MACROD2: variants seen among roughly 807,000 people sequenced by gnomAD.
MACROD2 encodes the protein ADP-ribose glycohydrolase MACROD2.
MACROD2 carries 36 observed loss-of-function variants against 70.4 expected under a neutral mutation model. That is an observed-to-expected ratio of 0.51 (90% CI 0.39 to 0.68). MACROD2 has a LOEUF of 0.68. Ranked by LOEUF, MACROD2 falls within the 30% of genes least tolerant of loss-of-function variation. MACROD2 has a pLI of 0.00. For missense variants in MACROD2, 496 were observed against 538.4 expected (o/e 0.92, Z 0.78); for synonymous variants, 172 against 178.8 (o/e 0.96, Z 0.30).
Position 14,916,951 on chromosome 20 carries a change from A to G in MACROD2, c.418+231992A>G, listed in dbSNP as rs184482157. 4.3e-3 allele frequency among the ~76,000 whole-genome samples: 652 copies of G among 152,056 alleles called. 7 individuals carry two copies. The highest frequency in any genetic ancestry group is 0.015 in the African/African-American group (610 of 41,478). On this transcript the variant is annotated intron_variant, in intron 5 of 17. Coordinates refer to ENST00000684519, the MANE Select transcript of MACROD2 (RefSeq NM_001351661.2). ...TTCCAAGGAAGAGAGATAATGGGGG[A>G]AAAATAGGCACCTTGATTGGTCATG...
chr20:14,319,354 T>C (rs1601469314), intron 3 of MACROD2, among the ~76,000 whole-genome samples: 1 of 152,166 alleles, frequency 6.6e-6, no homozygotes, highest in East Asian at 1.9e-4. Context: ...ATCTCAACTT[T>C]CTTTTCTCCT....
intron 3 of MACROD2, among the ~76,000 whole-genome samples, chr20:14,364,143 CT>C (rs2083251068): frequency 6.6e-6 from 1 of 151,998 alleles, no homozygotes; most frequent in Non-Finnish European, 1.5e-5. Flanking sequence ...TGATCTTTTC[CT>C]TTTTTCTCAT....
At chr20:14,481,691 C>CA (rs1262196398) in intron 3 of MACROD2, among the ~76,000 whole-genome samples, 1 of 152,002 alleles carries the variant, frequency 6.6e-6, no homozygotes, top group Non-Finnish European at 1.5e-5. Context: ...CTAAAAAGAA[C>CA]ATTTGTTTGA....
chr20:14,462,026 T>C (rs2084378794), intron 3 of MACROD2, among the ~76,000 whole-genome samples: 1 of 152,034 alleles, frequency 6.6e-6, no homozygotes, highest in African/African-American at 2.4e-5. Flanking sequence ...ATATACCCAG[T>C]AATGAGCATG....
intron 3 of MACROD2, among the ~76,000 whole-genome samples, chr20:14,187,599 T>A (rs2081355347): frequency 6.6e-6 from 1 of 152,174 alleles, no homozygotes; most frequent in Non-Finnish European, 1.5e-5. Context: ...TAAAAGTTAG[T>A]CCAGAGTTAT....
At chr20:15,758,698 C>CCCA (rs1319831049) in intron 8 of MACROD2, among the ~76,000 whole-genome samples, 18 of 152,060 alleles carry the variant, frequency 1.2e-4, no homozygotes, top group Non-Finnish European at 2.9e-5. Flanking sequence ...CTCCACCACA[C>CCCA]CCAGCTAGTT....
intron 8 of MACROD2, among the ~76,000 whole-genome samples, chr20:15,689,915 A>C (rs2050277604): frequency 6.6e-6 from 1 of 152,208 alleles, no homozygotes; most frequent in African/African-American, 2.4e-5. Context: ...CCTCTGTGAT[A>C]ATCAGTTCTA....
In MACROD2 at chr20:16,052,284, A is replaced by G. The variant is rs1043969179; in HGVS notation, c.*2408A>G. The G allele has an allele frequency of 2.0e-5, 3 of 152,244 alleles. No individual in the cohort carries two copies. The highest frequency in any genetic ancestry group is 2.4e-5 in the African/African-American group (1 of 41,472). The allele number at this position is 152,244 out of a possible 1,614,324, so 9.4% of individuals were successfully genotyped here. A position where few individuals can be genotyped will look rare whatever the true frequency, so the allele number is the denominator to read the frequency against. ...TTAACAATCTAACTATAGCCAGATCAAAGACACCTGAACACAGAAAACCTT... is the reference window on the plus strand; with the variant it reads ...TTAACAATCTAACTATAGCCAGATCGAAGACACCTGAACACAGAAAACCTT... On this transcript the variant is annotated 3_prime_UTR_variant, in exon 18 of 18. Coordinates refer to ENST00000684519, the MANE Select transcript of MACROD2 (RefSeq NM_001351661.2).
intron 8 of MACROD2, among the ~76,000 whole-genome samples, chr20:15,506,050 G>A (rs2047422414): frequency 6.6e-6 from 1 of 152,178 alleles, no homozygotes; most frequent in Non-Finnish European, 1.5e-5. Flanking sequence ...CTGAGATGCT[G>A]TATATGTGTG....
chr20:15,866,527 G>A (rs1043393905), intron 9 of MACROD2, among the ~76,000 whole-genome samples: 7 of 152,180 alleles, frequency 4.6e-5, no homozygotes, highest in African/African-American at 1.7e-4. Context: ...TTTTAGGCAT[G>A]AAAAACGAGG....
chr20:14,311,732 G>T (rs2082568942), intron 3 of MACROD2, among the ~76,000 whole-genome samples: 1 of 151,986 alleles, frequency 6.6e-6, no homozygotes, highest in Non-Finnish European at 1.5e-5. Flanking sequence ...TGGCCAGACT[G>T]GTGTTGAACT....
At chr20:14,719,638 T>A (rs935351312) in intron 5 of MACROD2, among the ~76,000 whole-genome samples, 1 of 152,124 alleles carries the variant, frequency 6.6e-6, no homozygotes, top group Admixed American at 6.6e-5. Context: ...AATTAAACCA[T>A]CCTAAAATGT....
chr20:14,261,678 C>T (rs568675271), intron 3 of MACROD2, among the ~76,000 whole-genome samples: 2 of 152,156 alleles, frequency 1.3e-5, no homozygotes. Context: ...ATGATTTATT[C>T]GTTCCTTCCC....
chr20:14,412,156 C>A (rs2083756776), intron 3 of MACROD2, among the ~76,000 whole-genome samples: 3 of 152,098 alleles, frequency 2.0e-5, no homozygotes, highest in Admixed American at 6.6e-5. Context: ...CTGTTTAGCC[C>A]AGTGAAGGAT....
chr20:15,465,960 G>A (rs1475681625), intron 7 of MACROD2, among the ~76,000 whole-genome samples: 1 of 152,160 alleles, frequency 6.6e-6, no homozygotes, highest in East Asian at 1.9e-4. Context: ...AGTAACACAT[G>A]GCTCCAGCTG....
chr20:15,774,912 G>C lies in MACROD2; in HGVS notation c.646-87833G>C, dbSNP rs547923691. Among the ~76,000 whole-genome samples the C allele has an allele frequency of 1.1e-4, 16 of 152,148 alleles. No homozygotes were observed. The South Asian group carries it at 3.1e-3, about 30-fold the overall frequency. On this transcript the variant is annotated intron_variant, in intron 8 of 17. Coordinates refer to ENST00000684519, the MANE Select transcript of MACROD2 (RefSeq NM_001351661.2). ...CCTCTTCTCACACCCATTTAAATTG[G>C]TTTGTGCTCCTAGCTCCTGTGCCAT...
intron 2 of MACROD2, among the ~76,000 whole-genome samples, chr20:14,073,205 G>T (rs1035725514): frequency 1.3e-5 from 2 of 151,732 alleles, no homozygotes; most frequent in Admixed American, 6.6e-5. Context: ...GCATGGTGGC[G>T]CATGCCTGTA....
At chr20:14,874,441 G>T (rs1169178210) in intron 5 of MACROD2, among the ~76,000 whole-genome samples, 1 of 150,602 alleles carries the variant, frequency 6.6e-6, no homozygotes, top group Non-Finnish European at 1.5e-5. Flanking sequence ...AGCTACCAAG[G>T]GAGAAAAGGT....
intron 6 of MACROD2, among the ~76,000 whole-genome samples, chr20:15,381,686 A>G (rs985423166): frequency 6.6e-6 from 1 of 152,098 alleles, no homozygotes; most frequent in Admixed American, 6.6e-5. Flanking sequence ...AAAACAAAAA[A>G]TCTAAAAGGT....
Sources: allele counts gnomAD v4.1 joint callset (sites outside exome capture counted in the v4.1 genomes callset), GRCh38; gene constraint gnomAD v4.1.1; transcripts MANE v1.5; gene names NCBI Gene and HGNC (gene_info 2026-07-23, HGNC 2026-07-21).